Variants in PCDH15 observed in about 807,000 individuals in gnomAD.
The protein encoded by PCDH15 is protocadherin-15.
In PCDH15, 129 loss-of-function variants were observed where a neutral mutation model predicts 178.5. The observed-to-expected ratio is 0.72, with a 90% CI of 0.63 to 0.84. PCDH15 has a LOEUF of 0.84. Ranked by LOEUF, PCDH15 falls within the 40% of genes least tolerant of loss-of-function variation. The pLI, the probability that PCDH15 is intolerant of heterozygous loss-of-function variation, is 0.00. For synonymous variants in PCDH15, 800 were observed against 732.0 expected (o/e 1.09, Z -1.50); for missense variants, 2,230 against 2,099.9 (o/e 1.06, Z -1.21).
chr10:54,199,537 A>C (rs2133961055), intron 10 of PCDH15, among the ~76,000 whole-genome samples: 1 of 148,014 alleles, frequency 6.8e-6, no homozygotes, highest in African/African-American at 2.5e-5. Flanking sequence ...GTTAAGTAAG[A>C]GTTAAAATGT....
At chr10:55,530,541 C>T (rs1447525491) in intron 2 of PCDH15, among the ~76,000 whole-genome samples, 1 of 151,876 alleles carries the variant, frequency 6.6e-6, no homozygotes, top group African/African-American at 2.4e-5. Context: ...AATTATTAGA[C>T]ATCTTTGGAT....
intron 2 of PCDH15, among the ~76,000 whole-genome samples, chr10:55,592,374 GGCTCCCTCCT>G: frequency 6.6e-6 from 1 of 152,244 alleles, no homozygotes; most frequent in Non-Finnish European, 1.5e-5. Context: ...TTACACTCCT[GGCTCCCTCCT>G]GCTTCTAGGA....
chr10:54,173,465 T>A (rs2047108086), intron 13 of PCDH15, among the ~76,000 whole-genome samples: 1 of 152,192 alleles, frequency 6.6e-6, no homozygotes, highest in Admixed American at 6.5e-5. Flanking sequence ...TTCTGAATAA[T>A]CAAGTTTGGA....
At chr10:54,152,716 G>C (rs2133331237) in intron 14 of PCDH15, among the ~76,000 whole-genome samples, 1 of 151,898 alleles carries the variant, frequency 6.6e-6, no homozygotes, top group Non-Finnish European at 1.5e-5. Context: ...CTGTGTGCGA[G>C]TCTGTGTGTG....
chr10:55,115,842 T>C (rs1837617526), intron 2 of PCDH15, among the ~76,000 whole-genome samples: 1 of 152,218 alleles, frequency 6.6e-6, no homozygotes, highest in Non-Finnish European at 1.5e-5. Context: ...AGAAATCTTG[T>C]ATTGGACTGA....
chr10:55,315,351 T>C (rs1044676977), intron 1 of PCDH15, among the ~76,000 whole-genome samples: 1 of 152,194 alleles, frequency 6.6e-6, no homozygotes, highest in Non-Finnish European at 1.5e-5. Flanking sequence ...GGGTGAAATG[T>C]ATTAAGTATG....
chr10:55,585,846 A>G (rs1842717868), intron 2 of PCDH15, among the ~76,000 whole-genome samples: 2 of 152,112 alleles, frequency 1.3e-5, no homozygotes, highest in African/African-American at 4.8e-5. Flanking sequence ...ATCACAACTC[A>G]GGATAATTTG....
At chr10:53,939,126 G>A (rs998653172) in intron 24 of PCDH15, among the ~76,000 whole-genome samples, 171 bp from the exon 25 acceptor site, 7 of 152,138 alleles carry the variant, frequency 4.6e-5, no homozygotes, top group African/African-American at 7.2e-5. Flanking sequence ...CTCTTTGAAT[G>A]ATCAACATCA....
intron 3 of PCDH15, among the ~76,000 whole-genome samples, chr10:54,819,044 C>T (rs925147031): frequency 6.6e-6 from 1 of 152,070 alleles, no homozygotes. Flanking sequence ...CCTGTCTTAG[C>T]TTCCCAAACT....
chr10:55,546,229 T>TA (rs377207376), intron 2 of PCDH15, among the ~76,000 whole-genome samples: 219 of 152,204 alleles, frequency 1.4e-3, no homozygotes, highest in African/African-American at 5.1e-3. Flanking sequence ...CTTAACAAAA[T>TA]AAAAAACATT....
chr10:54,675,820 C>T (rs907309353), intron 1 of PCDH15, among the ~76,000 whole-genome samples: 2 of 152,040 alleles, frequency 1.3e-5, no homozygotes, highest in African/African-American at 4.8e-5. Flanking sequence ...CTTTTTATCC[C>T]GGAGCCCAGC....
intron 27 of PCDH15, among the ~76,000 whole-genome samples, chr10:53,860,032 A>T (rs1356812226): frequency 6.6e-6 from 1 of 152,172 alleles, no homozygotes; most frequent in Non-Finnish European, 1.5e-5. Flanking sequence ...TCCTCTTCAA[A>T]TAGGAATTTC....
intron 2 of PCDH15, among the ~76,000 whole-genome samples, chr10:55,336,867 C>CT (rs1167641676): frequency 6.6e-6 from 1 of 152,116 alleles, no homozygotes; most frequent in East Asian, 1.9e-4. Flanking sequence ...TCTTGTTAAT[C>CT]TGCTTTTTGT....
chr10:54,907,889 C>T (rs1954751947), intron 2 of PCDH15, among the ~76,000 whole-genome samples: 1 of 152,120 alleles, frequency 6.6e-6, no homozygotes, highest in Non-Finnish European at 1.5e-5. Context: ...ACTGGACAAC[C>T]CTAAGGTAGG....
chr10:54,666,460 G>A (rs2094573029), intron 1 of PCDH15, among the ~76,000 whole-genome samples: 1 of 151,984 alleles, frequency 6.6e-6, no homozygotes, highest in Non-Finnish European at 1.5e-5. Flanking sequence ...CAAGGCATAT[G>A]GAGGCCCAGG....
chr10:53,963,029 C>T (rs1052535334), intron 21 of PCDH15, among the ~76,000 whole-genome samples: 1 of 152,120 alleles, frequency 6.6e-6, no homozygotes, highest in African/African-American at 2.4e-5. Flanking sequence ...AAGAAACACT[C>T]CTATTTGGCA....
At chr10:54,653,473 T>C (rs374618194) in intron 2 of PCDH15, among the ~76,000 whole-genome samples, 3 of 152,316 alleles carry the variant, frequency 2.0e-5, no homozygotes, top group African/African-American at 7.2e-5. Context: ...CTACTGCTTC[T>C]CAAAGTTTGG....
chr10:53,822,749 G>T lies in PCDH15; in HGVS notation c.4368-2519C>A, dbSNP rs1554820407. On this transcript the variant is annotated intron_variant, in intron 32 of 37. Transcript: ENST00000644397. ...GAGGCCTGGGAAAGCAAAATGAAGA[G>T]TCTGAAGAGAGAGATTTCAACTGTT... The T allele has an allele frequency of 6.2e-7, 1 of 1,613,956 alleles. No homozygotes were observed. The highest frequency in any genetic ancestry group is 1.3e-5 in the African/African-American group (1 of 74,906).
intron 13 of PCDH15, among the ~76,000 whole-genome samples, chr10:54,158,252 G>A (rs772060897): frequency 3.9e-5 from 6 of 152,286 alleles, no homozygotes; most frequent in African/African-American, 1.4e-4. Flanking sequence ...AAGAAAACAG[G>A]TATTGAAATT....
Sources: allele counts gnomAD v4.1 joint callset (sites outside exome capture counted in the v4.1 genomes callset), GRCh38; gene constraint gnomAD v4.1.1; transcripts MANE v1.5; gene names NCBI Gene and HGNC (gene_info 2026-07-23, HGNC 2026-07-21).